Variants in MEGF6 observed in about 807,000 individuals in gnomAD.
The protein encoded by MEGF6 is multiple epidermal growth factor-like domains protein 6.
A neutral mutation model predicts 207.1 loss-of-function variants in MEGF6; 184 were observed. The ratio of observed to expected loss-of-function variants is 0.89; its 90% CI spans 0.79 to 1.00. The LOEUF (loss-of-function observed/expected upper bound fraction) is 1.00. Among genes scored for constraint, MEGF6 ranks in the 50% least tolerant of loss-of-function variants. The probability of loss-of-function intolerance (pLI) is 0.00; values close to 1 mark genes in which losing one functional copy is unlikely to be tolerated. For missense variants in MEGF6, 2,282 were observed against 2,202.9 expected (o/e 1.04, Z -0.72); for synonymous variants, 1,038 against 910.0 (o/e 1.14, Z -2.53).
intron 6 of MEGF6, 59 bp downstream of exon 6, chr1:3,515,343 C>T (rs1187751692): frequency 2.0e-5 from 31 of 1,550,786 alleles, no homozygotes; most frequent in Non-Finnish European, 2.6e-5. Flanking sequence ...ACAGCCCAGG[C>T]GAGGCAGCTT....
At chr1:3,598,093 A>G (rs1185845170) in intron 2 of MEGF6, among the ~76,000 whole-genome samples, 3 of 152,116 alleles carry the variant, frequency 2.0e-5, no homozygotes, top group Non-Finnish European at 2.9e-5. Flanking sequence ...CCCCACAGCC[A>G]GCCACCCTCC....
intron 10 of MEGF6, 53 bp downstream of exon 10, chr1:3,510,730 G>A: frequency 1.3e-6 from 2 of 1,557,992 alleles, no homozygotes; most frequent in Admixed American, 3.5e-5. Flanking sequence ...CCTTCCTTAG[G>A]GCAGCCCTGC....
At chr1:3,523,694 C>T (rs751768203) in intron 5 of MEGF6, among the ~76,000 whole-genome samples, 6 of 152,224 alleles carry the variant, frequency 3.9e-5, no homozygotes, top group African/African-American at 9.6e-5. Context: ...TCCCCCACCA[C>T]GTAGCACGTG....
Position 3,520,550 on chromosome 1 carries a change from G to A in MEGF6, c.604+3574C>T, listed in dbSNP as rs565907759. ...CCCTGCTCTTCCCACCCCAGAGACC[G>A]GGCGCCCTGGGCAATGGGGCACACC... On this transcript the variant is annotated intron_variant, in intron 5 of 36. Coordinates refer to ENST00000356575, the MANE Select transcript of MEGF6 (RefSeq NM_001409.4). Among the ~76,000 whole-genome samples the A allele has an allele frequency of 4.6e-3, 703 of 152,194 alleles. 2 individuals are homozygous for A. The highest frequency in any genetic ancestry group is 0.016 in the African/African-American group (648 of 41,536).
intron 4 of MEGF6, among the ~76,000 whole-genome samples, chr1:3,567,086 G>A (rs1643362282): frequency 1.3e-5 from 2 of 152,248 alleles, no homozygotes; most frequent in Admixed American, 1.3e-4. Flanking sequence ...GCTGCCCTGT[G>A]GTGGCCAGAA....
At chr1:3,566,259 C>T (rs1643340877) in intron 4 of MEGF6, among the ~76,000 whole-genome samples, 1 of 152,226 alleles carries the variant, frequency 6.6e-6, no homozygotes, top group Admixed American at 6.5e-5. Flanking sequence ...CATCAGAGAA[C>T]AGATTCCAGA....
chr1:3,537,866 T>C (rs1642382293), intron 4 of MEGF6, among the ~76,000 whole-genome samples: 1 of 152,084 alleles, frequency 6.6e-6, no homozygotes, highest in Non-Finnish European at 1.5e-5. Context: ...TCCCAGCTAA[T>C]GCAGGGAGAG....
chr1:3,535,325 C>T (rs1642293318), intron 4 of MEGF6, among the ~76,000 whole-genome samples: 1 of 152,148 alleles, frequency 6.6e-6, no homozygotes, highest in South Asian at 2.1e-4. Context: ...TCTTTTCTGC[C>T]CCAAAACCCC....
chr1:3,492,861 A>G, intron 34 of MEGF6, 94 bp from the exon 35 acceptor site: 1 of 1,508,582 alleles, frequency 6.6e-7, no homozygotes, highest in Non-Finnish European at 9.0e-7. Context: ...GGCAGAGCCC[A>G]GGTGGAGTGA....
intron 12 of MEGF6, among the ~76,000 whole-genome samples, 176 bp downstream of exon 12, chr1:3,508,899 G>C (rs187487926): frequency 1.3e-5 from 2 of 152,198 alleles, no homozygotes; most frequent in Non-Finnish European, 2.9e-5. Flanking sequence ...GGCTCAGCCC[G>C]CACGAGCTGC....
intron 4 of MEGF6, among the ~76,000 whole-genome samples, chr1:3,544,171 G>A (rs896809022): frequency 3.7e-5 from 5 of 133,430 alleles, no homozygotes; most frequent in African/African-American, 2.1e-4. Flanking sequence ...AGACACGGAA[G>A]GTCCAAGCAT....
chr1:3,611,190 G>T lies in MEGF6; in HGVS notation c.79C>A (p.Pro27Thr). Residue 27 changes from proline to threonine, a missense_variant, in exon 1 of 37, where the codon CCC becomes ACC. By Grantham distance (38) the Pro-to-Thr change is conservative. Transcript: ENST00000356575. ...ALVLLLLPAVPVGASVPPRPL... is the reference protein window; with the variant it reads ...ALVLLLLPAVTVGASVPPRPL... ...CGCGGCGGAACGCTGGCGCCCACGG[G>T]CACGGCGGGGAGCAGCAGCAGCACC... The T allele has an allele frequency of 1.3e-6, 2 of 1,550,008 alleles. No homozygotes were observed. The highest frequency in any genetic ancestry group is 1.4e-5 in the African/African-American group (1 of 70,888).
At chr1:3,545,417 C>T (rs895880152) in intron 4 of MEGF6, among the ~76,000 whole-genome samples, 2 of 152,174 alleles carry the variant, frequency 1.3e-5, no homozygotes, top group African/African-American at 4.8e-5. Context: ...GCGCCTCCTG[C>T]GTCCCACCTG....
Position 3,506,013 on chromosome 1 carries a change from C to T in MEGF6, c.1918+95G>A, listed in dbSNP as rs1641100359. The T allele has an allele frequency of 2.7e-6, 4 of 1,459,498 alleles. No individual in the cohort carries two copies. In the South Asian group the frequency reaches 5.6e-5, roughly 20 times the overall value. 90.4% of individuals were successfully genotyped at this position (1,459,498 alleles called of 1,614,324 possible). ...GGGTGACCTGGCTGGGCCCCGATAG[C>T]CTCATCCTAACCCAGACTACAGGTA... On this transcript the variant is annotated intron_variant, in intron 15 of 36. Coordinates refer to ENST00000356575, the MANE Select transcript of MEGF6 (RefSeq NM_001409.4).
At chr1:3,507,459 T>C (rs1179271487) in intron 14 of MEGF6, among the ~76,000 whole-genome samples, 1 of 152,178 alleles carries the variant, frequency 6.6e-6, no homozygotes, top group Non-Finnish European at 1.5e-5. Context: ...TCTACTTGAA[T>C]GCTTCCAGGA....
At chr1:3,525,056 C>T (rs1044812164) in intron 4 of MEGF6, among the ~76,000 whole-genome samples, 1 of 152,344 alleles carries the variant, frequency 6.6e-6, no homozygotes, top group African/African-American at 2.4e-5. Context: ...TGTAGCCACC[C>T]CGTTTGCGGT....
At position 3,494,728 on chromosome 1, in the gene MEGF6, G is replaced by T. The variant is rs1192699874; in HGVS notation, c.3885C>A (p.Asn1295Lys). The T allele has an allele frequency of 6.3e-7, 1 of 1,584,732 alleles. No individual in the cohort carries two copies. The highest frequency in any genetic ancestry group is 2.3e-5 in the East Asian group (1 of 43,766). ...GVRCERGCPQ[N>K]RFGVGCEHTC... is the part of the protein sequence containing the mutation. ...TGTGCTCGCAGCCCACGCCAAACCG[G>T]TTCTGGGGGCAGCCTGGAGACAGAA... The change falls in exon 31 of 37, where the codon AAC becomes AAA. Residue 1295 changes from asparagine (N) to lysine (K), a missense_variant. Physicochemically the swap from Asn to Lys is moderately conservative, Grantham distance 94. Coordinates refer to ENST00000356575, the MANE Select transcript of MEGF6 (RefSeq NM_001409.4).
intron 4 of MEGF6, among the ~76,000 whole-genome samples, chr1:3,570,930 G>A (rs556649208): frequency 6.6e-6 from 1 of 152,252 alleles, no homozygotes; most frequent in African/African-American, 2.4e-5. Context: ...CAGGGACAGG[G>A]CCCCAGGGAG....
chr1:3,560,019 GAAAA>G lies in MEGF6; in HGVS notation c.481+19802_481+19805del, dbSNP rs56851590. Among the ~76,000 whole-genome samples, 3 of 97,486 alleles carry G rather than the reference GAAAA, an allele frequency of 3.1e-5. No homozygotes were observed. The highest frequency in any genetic ancestry group is 6.4e-5 in the Non-Finnish European group (3 of 47,000). The allele number at this position is 97,486 out of a possible 152,430, so 64.0% of individuals were successfully genotyped here. The stretch of plus-strand genomic sequence containing the variant: ...TATGAGAGTCCGTCTCAAAATAAAA[GAAAA>G]AAAAAAAAAAAAAGGAAACACGATG... On this transcript the variant is annotated intron_variant, in intron 4 of 36. Coordinates refer to ENST00000356575, the MANE Select transcript of MEGF6 (RefSeq NM_001409.4). The surrounding 1 kb of genome is among the most constrained non-coding windows in gnomAD (Gnocchi z 4.0).
Sources: gnomAD v4.1 joint callset for allele counts (sites outside exome capture counted in the v4.1 genomes callset) on GRCh38, gnomAD v4.1.1 for gene constraint, Gnocchi (gnomAD v3.1) non-coding constraint, MANE v1.5 for transcripts, NCBI Gene and HGNC (gene_info 2026-07-23, HGNC 2026-07-21) for gene names.